Variants in VSTM2L observed in about 807,000 individuals in gnomAD.
VSTM2L encodes V-set and transmembrane domain containing 2 like.
In VSTM2L, 9 loss-of-function variants were observed where a neutral mutation model predicts 19.9. The ratio of observed to expected loss-of-function variants is 0.45; its 90% CI spans 0.27 to 0.79. The LOEUF (loss-of-function observed/expected upper bound fraction) is 0.79, where lower values mean the gene tolerates loss of function less well. VSTM2L is among the 30% of genes least tolerant of loss of function. The pLI is 0.15. For synonymous variants in VSTM2L, 127 were observed against 133.8 expected (o/e 0.95, Z 0.35); for missense variants, 286 against 295.5 (o/e 0.97, Z 0.24).
intron 1 of VSTM2L, among the ~76,000 whole-genome samples, chr20:37,922,132 A>T (rs2122956262): frequency 6.6e-6 from 1 of 152,006 alleles, no homozygotes; most frequent in Admixed American, 6.5e-5. Context: ...CATCACCACC[A>T]TCCAGTCCAG....
At chr20:37,910,730 A>G (rs907593203) in intron 1 of VSTM2L, among the ~76,000 whole-genome samples, 2 of 151,102 alleles carry the variant, frequency 1.3e-5, no homozygotes, top group African/African-American at 2.5e-5. Flanking sequence ...CCTGGACAAC[A>G]TAGTGGACCC....
chr20:37,919,972 G>A (rs2122953080), intron 1 of VSTM2L, among the ~76,000 whole-genome samples: 1 of 152,290 alleles, frequency 6.6e-6, no homozygotes, highest in Admixed American at 6.5e-5. Context: ...TGGCATAGAG[G>A]AGGGGCTTCC....
At chr20:37,914,989 AT>A (rs1430095324) in intron 1 of VSTM2L, among the ~76,000 whole-genome samples, 1 of 152,088 alleles carries the variant, frequency 6.6e-6, no homozygotes, top group Non-Finnish European at 1.5e-5. Context: ...TAAAAAAATC[AT>A]TTCCGGCGTT....
chr20:37,943,839 C>T (rs1458208187), intron 3 of VSTM2L, 142 bp from the exon 4 acceptor site: 16 of 865,288 alleles, frequency 1.8e-5, no homozygotes, highest in African/African-American at 1.7e-5. Flanking sequence ...TTAACTCACT[C>T]TTGTGCAAAC....
intron 1 of VSTM2L, among the ~76,000 whole-genome samples, chr20:37,912,478 G>A (rs928294401): frequency 6.6e-6 from 1 of 152,196 alleles, no homozygotes; most frequent in African/African-American, 2.4e-5. Context: ...CTGGTGGATG[G>A]AGCGGTGTTT....
rs376722046 is a variant in VSTM2L at position 37,933,940 on chromosome 20, CTGAG to C, written c.342+354_342+357del. Among the ~76,000 whole-genome samples, 154 of 152,354 alleles carry C rather than the reference CTGAG, an allele frequency of 1.0e-3. 1 individual carries two copies. Among genetic ancestry groups the C allele is most frequent in the African/African-American group, 3.5e-3 (144 of 41,584 alleles). The stretch of plus-strand genomic sequence containing the variant: ...GCTTTTTTTGGCCTATCATGACTGA[CTGAG>C]TGTTACGCCATCTCAGGGTCACTTG... On this transcript the variant is annotated intron_variant, in intron 3 of 3. Coordinates refer to ENST00000373461, the MANE Select transcript of VSTM2L (RefSeq NM_080607.3).
intron 1 of VSTM2L, among the ~76,000 whole-genome samples, chr20:37,912,091 G>C (rs1004678044): frequency 1.2e-4 from 18 of 152,184 alleles, no homozygotes; most frequent in African/African-American, 3.9e-4. Context: ...GCTAGGAGGC[G>C]GGCCCTCCCA....
At chr20:37,909,444 G>A (rs141476172) in intron 1 of VSTM2L, among the ~76,000 whole-genome samples, 4 of 152,278 alleles carry the variant, frequency 2.6e-5, no homozygotes, top group Admixed American at 1.3e-4. Context: ...GACAATGCCC[G>A]GCCCAGGGAG....
intron 1 of VSTM2L, among the ~76,000 whole-genome samples, chr20:37,920,542 C>T (rs2072844358): frequency 6.6e-6 from 1 of 152,220 alleles, no homozygotes; most frequent in Non-Finnish European, 1.5e-5. Context: ...CTCCAGCCTG[C>T]CTGTCAGTCT....
intron 1 of VSTM2L, among the ~76,000 whole-genome samples, chr20:37,923,684 A>G (rs1254333941): frequency 6.6e-6 from 1 of 152,194 alleles, no homozygotes; most frequent in Non-Finnish European, 1.5e-5. Flanking sequence ...GATGGATTCT[A>G]TGTCCCAGAC....
chr20:37,939,347 G>A (rs2072958563), intron 3 of VSTM2L, among the ~76,000 whole-genome samples: 8 of 152,084 alleles, frequency 5.3e-5, no homozygotes, highest in Admixed American at 5.2e-4. Flanking sequence ...GAGCCCAGGA[G>A]GCTGAGGCTG....
At chr20:37,906,537 AACTC>A (rs1367277170) in intron 1 of VSTM2L, among the ~76,000 whole-genome samples, 3 of 152,352 alleles carry the variant, frequency 2.0e-5, no homozygotes, top group Non-Finnish European at 2.9e-5. Flanking sequence ...TGCCAGTGTT[AACTC>A]ACTCAGGCTG....
intron 3 of VSTM2L, among the ~76,000 whole-genome samples, chr20:37,934,756 C>T (rs1254293951): frequency 1.3e-5 from 2 of 152,096 alleles, no homozygotes; most frequent in African/African-American, 4.8e-5. Context: ...TCAGAGGTGG[C>T]ATCATGGAGG....
At chr20:37,903,494 C>T (rs942856097) in intron 1 of VSTM2L, 23 bp downstream of exon 1, 6 of 1,462,646 alleles carry the variant, frequency 4.1e-6, no homozygotes, top group Non-Finnish European at 5.4e-6. Flanking sequence ...GCCGCCCCCG[C>T]GGACTTCCCC....
At chr20:37,915,812 C>G (rs1473755860) in intron 1 of VSTM2L, among the ~76,000 whole-genome samples, 8 of 152,084 alleles carry the variant, frequency 5.3e-5, no homozygotes, top group Admixed American at 6.5e-5. Context: ...GGTGGGGCCA[C>G]CACCACCCTA....
Position 37,903,331 on chromosome 20 carries a change from C to T in VSTM2L, c.-20C>T, listed in dbSNP as rs964485018. The T allele has an allele frequency of 2.1e-6, 3 of 1,433,568 alleles. No homozygotes were observed. Among genetic ancestry groups the T allele is most frequent in the South Asian group, 2.8e-5 (2 of 71,312 alleles). The allele number at this position is 1,433,568 out of a possible 1,614,324, so 88.8% of individuals were successfully genotyped here. On this transcript the variant is annotated 5_prime_UTR_variant, in exon 1 of 4. Transcript: ENST00000373461. ...GGGCCCAGATGTGAGGCGGCGGCGCCCCCGGCCCGAGAGCGCACGATGGGG... is the reference window on the plus strand; with the variant it reads ...GGGCCCAGATGTGAGGCGGCGGCGCTCCCGGCCCGAGAGCGCACGATGGGG...
Position 37,943,971 on chromosome 20 carries a change from T to TCACC in VSTM2L, c.343-8_343-5dup. 1 of 1,262,622 alleles carries TCACC rather than the reference T, an allele frequency of 7.9e-7. No homozygotes were observed. The highest frequency in any genetic ancestry group is 1.0e-6 in the Non-Finnish European group (1 of 963,620). 78.2% of individuals were successfully genotyped at this position (1,262,622 alleles called of 1,614,324 possible). Reference sequence around the variant, plus strand: ...GGATGGACAGGTCACGGTCTCTCTGTCACCCCCAGGTGGTCAAGGTGGTGG... The same window carrying TCACC: ...GGATGGACAGGTCACGGTCTCTCTGTCACCCACCCCCAGGTGGTCAAGGTGGTGG... On this transcript the variant is annotated splice_polypyrimidine_tract_variant and intron_variant, in intron 3 of 3. Transcript: ENST00000373461.
At chr20:37,922,949 C>A (rs185153286) in intron 1 of VSTM2L, among the ~76,000 whole-genome samples, 1 of 149,096 alleles carries the variant, frequency 6.7e-6, no homozygotes, top group African/African-American at 2.6e-5. Flanking sequence ...TCTGATGAGG[C>A]GACAAGGAAG....
rs139879080 is a variant in VSTM2L at position 37,933,562 on chromosome 20, C to T, written c.315C>T (p.Asp105=). The change falls in exon 3 of 4, where the codon GAC becomes GAT. Residue 105 remains aspartate, a synonymous_variant. Transcript: ENST00000373461. ...SNQLKASQQE[D]AGKEATKISV... is the part of the protein sequence containing the mutation. ...AGCTAAAAGCATCTCAGCAGGAAGA[C>T]GCAGGGAAGGAGGCAACCAAAATAA... The T allele has an allele frequency of 1.7e-5, 28 of 1,606,254 alleles. No homozygotes were observed. Among genetic ancestry groups the T allele is most frequent in the Admixed American group, 1.7e-4 (10 of 59,266 alleles).
Sources: allele counts gnomAD v4.1 joint callset (sites outside exome capture counted in the v4.1 genomes callset), GRCh38; gene constraint gnomAD v4.1.1; transcripts MANE v1.5; gene names NCBI Gene and HGNC (gene_info 2026-07-23, HGNC 2026-07-21).